Variants in VEGFD observed in about 807,000 individuals in gnomAD.
VEGFD encodes the protein vascular endothelial growth factor D.
In VEGFD, 26 loss-of-function variants were observed where a neutral mutation model predicts 28.0. The observed-to-expected ratio is 0.93, with a 90% CI of 0.68 to 1.29. The LOEUF (loss-of-function observed/expected upper bound fraction) is 1.29. Ranked by LOEUF, VEGFD falls within the 50% of genes most tolerant of loss-of-function variation. The probability of loss-of-function intolerance (pLI) is 0.00; values close to 1 mark genes in which losing one functional copy is unlikely to be tolerated. For missense variants in VEGFD, 294 were observed against 273.4 expected, an observed-to-expected ratio of 1.08 and a Z score of -0.53; for synonymous variants, 93 against 95.5, an observed-to-expected ratio of 0.97 and a Z score of 0.15.
At chrX:15,361,787 ACAAG>A (rs924369629) in intron 2 of VEGFD, among the ~76,000 whole-genome samples, 6 of 112,040 alleles carry the variant, frequency 5.4e-5, no homozygotes, top group African/African-American at 1.9e-4. Flanking sequence ...ACTTTACTTG[ACAAG>A]CATTTTATTC....
chrX:15,346,399 A>C, intron 6 of VEGFD, 140 bp from the exon 7 acceptor site: 1 of 619,091 alleles, frequency 1.6e-6, no homozygotes, highest in East Asian at 3.6e-5. Context: ...TCCCACATGG[A>C]TTCAAAATCT....
chrX:15,366,734 TCTTC>T (rs1923156789), intron 1 of VEGFD, among the ~76,000 whole-genome samples: 1 of 111,763 alleles, frequency 8.9e-6, no homozygotes, highest in Admixed American at 9.5e-5. Flanking sequence ...GAGCAGTAAC[TCTTC>T]CTTCCTCTTT....
intron 1 of VEGFD, among the ~76,000 whole-genome samples, chrX:15,370,466 T>G (rs964162529): frequency 1.8e-5 from 2 of 112,129 alleles, no homozygotes; most frequent in Non-Finnish European, 3.8e-5. Flanking sequence ...ATGAAGTCCC[T>G]AACTTAGACT....
intron 1 of VEGFD, among the ~76,000 whole-genome samples, chrX:15,373,509 A>G (rs1923361037): frequency 8.9e-6 from 1 of 112,328 alleles, no homozygotes. Flanking sequence ...ATATGCCTTC[A>G]GGAAGCTTGG....
rs750958217 is a variant in VEGFD at position 15,384,310 on chromosome X, G to A, written c.-364C>T. The A allele has an allele frequency of 2.9e-5, 4 of 139,010 alleles. No homozygotes were observed. The highest frequency in any genetic ancestry group is 8.2e-5 in the Admixed American group (1 of 12,177). 11.5% of individuals were successfully genotyped at this position (139,010 alleles called of 1,213,427 possible). ...CAGGTTCTAGTTGCTTTGTAAGGAG[G>A]TGGTGTGGCCACCAATGCTTACAGC... On this transcript the variant is annotated 5_prime_UTR_variant, in exon 1 of 7. Coordinates refer to ENST00000297904, the MANE Select transcript of VEGFD (RefSeq NM_004469.5).
intron 2 of VEGFD, among the ~76,000 whole-genome samples, chrX:15,361,781 T>C (rs1912335637): frequency 8.9e-6 from 1 of 112,319 alleles, no homozygotes; most frequent in African/African-American, 3.2e-5. Flanking sequence ...CACAGAACTT[T>C]ACTTGACAAG....
chrX:15,347,335 G>C lies in VEGFD; in HGVS notation c.767C>G (p.Ala256Gly), dbSNP rs1167957527. 1 of 1,209,763 alleles carries C rather than the reference G, an allele frequency of 8.3e-7. No individual in the cohort carries two copies. The highest frequency in any genetic ancestry group is 1.1e-6 in the Non-Finnish European group (1 of 894,517). ...AAACATCATGTGTGGCCCACAGAGA[G>C]CTGGTTCCTGGAGATGAGAGTGGTC... The part of the protein sequence containing the change: ...TEDHSHLQEP[A>G]LCGPHMMFDE... The change falls in exon 6 of 7, where the codon GCT (alanine) becomes GGT (glycine). Residue 256 changes from alanine (A) to glycine (G), a missense_variant. Physicochemically the swap from Ala to Gly is moderately conservative, Grantham distance 60. Transcript: ENST00000297904.
intron 5 of VEGFD, among the ~76,000 whole-genome samples, chrX:15,351,027 A>ATTTTTTTTTTTTTTTT (rs35997805): frequency 6.8e-5 from 1 of 14,745 alleles, no homozygotes; most frequent in African/African-American, 1.9e-4. Flanking sequence ...ATGCCCAGCT[A>ATTTTTTTTTTTTTTTT]TTTTTTTTTT....
chrX:15,380,980 C>T (rs1000713775), intron 1 of VEGFD, among the ~76,000 whole-genome samples: 3 of 112,404 alleles, frequency 2.7e-5, no homozygotes, highest in Middle Eastern at 4.6e-3. Flanking sequence ...TATTAATGAA[C>T]GATGCATAGG....
chrX:15,378,001 A>G (rs1923479278), intron 1 of VEGFD, among the ~76,000 whole-genome samples: 1 of 112,201 alleles, frequency 8.9e-6, no homozygotes, highest in Non-Finnish European at 1.9e-5. Flanking sequence ...GTATTTTGCC[A>G]TAATTTACCA....
chrX:15,383,430 C>T (rs1923635456), intron 1 of VEGFD, among the ~76,000 whole-genome samples: 1 of 112,555 alleles, frequency 8.9e-6, no homozygotes, highest in African/African-American at 3.2e-5. Flanking sequence ...ATAGAAAGCA[C>T]TGCAATTTTC....
Position 15,363,128 on chromosome X carries a change from A to G in VEGFD, c.282T>C (p.Tyr94=), listed in dbSNP as rs1229092203. 1 of 1,211,366 alleles carries G rather than the reference A, an allele frequency of 8.3e-7. No homozygotes were observed. Among genetic ancestry groups the G allele is most frequent in the Non-Finnish European group, 1.1e-6 (1 of 895,215 alleles). ...ACCTACCTTTTAGTGTTTCAATGTCATAGAAAGTTGCCGCAAACCTAGTGG... is the reference window on the plus strand; with the variant it reads ...ACCTACCTTTTAGTGTTTCAATGTCGTAGAAAGTTGCCGCAAACCTAGTGG... The part of the protein sequence containing the change: ...HRSTRFAATF[Y]DIETLKVIDE... Residue 94 remains tyrosine, a synonymous_variant, in exon 2 of 7, where the codon TAT becomes TAC. Transcript: ENST00000297904.
chrX:15,378,806 T>A (rs903159009), intron 1 of VEGFD, among the ~76,000 whole-genome samples: 2 of 111,885 alleles, frequency 1.8e-5, no homozygotes, highest in Non-Finnish European at 3.8e-5. Flanking sequence ...ATTTTTTTTT[T>A]AATTTCATGA....
Position 15,355,205 on chromosome X carries a change from G to A in VEGFD, c.586C>T (p.Pro196Ser). The change falls in exon 4 of 7, where the codon CCC becomes TCC. Residue 196 changes from proline (P) to serine (S), a missense_variant. Physicochemically the swap from Pro to Ser is moderately conservative, Grantham distance 74 (BLOSUM62 -1). Coordinates refer to ENST00000297904, the MANE Select transcript of VEGFD (RefSeq NM_004469.5). ...HTGCKCLPTA[P>S]RHPYSIIRRS... is the part of the protein sequence containing the mutation. ...CTGATAATTGAGTATGGATGGCGGG[G>A]GGCTGTTGGCAAGCACTTACAACCT... The A allele has an allele frequency of 8.3e-7, 1 of 1,206,261 alleles. No homozygotes were observed. The highest frequency in any genetic ancestry group is 1.8e-5 in the South Asian group (1 of 55,523).
chrX:15,382,268 T>A (rs1923598692), intron 1 of VEGFD, among the ~76,000 whole-genome samples: 1 of 109,855 alleles, frequency 9.1e-6, no homozygotes, highest in Non-Finnish European at 1.9e-5. Flanking sequence ...TGCAGCGAGC[T>A]GAGATTGCAT....
intron 1 of VEGFD, among the ~76,000 whole-genome samples, chrX:15,376,070 A>G (rs1293950823): frequency 9.0e-6 from 1 of 111,321 alleles, no homozygotes; most frequent in Non-Finnish European, 1.9e-5. Flanking sequence ...ACAGTCTATC[A>G]CTGATCTCCA....
intron 1 of VEGFD, among the ~76,000 whole-genome samples, chrX:15,373,974 T>C (rs889086933): frequency 3.5e-4 from 39 of 111,263 alleles, no homozygotes; most frequent in African/African-American, 1.2e-3. Flanking sequence ...GTTAGATTGG[T>C]GAGTCTGAGC....
At chrX:15,353,271 A>T in intron 4 of VEGFD, 103 bp from the exon 5 acceptor site, 1 of 370,904 alleles carries the variant, frequency 2.7e-6, no homozygotes, top group Admixed American at 5.2e-5. Context: ...AAGATTTTTT[A>T]AATTTATTTT....
At position 15,346,192 on chromosome X, in the gene VEGFD, A is replaced by T. The variant is rs1569182391; in HGVS notation, c.1006T>A (p.Cys336Ser). ...ASGKTACAKHCRFPKEKRAAQ... is the reference protein window; with the variant it reads ...ASGKTACAKHSRFPKEKRAAQ... Reference sequence around the variant, plus strand: ...GCCCTTTTCTCCTTTGGAAAGCGGCAATGCTTTGCACATGCTGTTTTGCCA... The same window carrying T: ...GCCCTTTTCTCCTTTGGAAAGCGGCTATGCTTTGCACATGCTGTTTTGCCA... The change falls in exon 7 of 7, where the codon TGC becomes AGC. Residue 336 changes from cysteine to serine, a missense_variant. Cys to Ser is a moderately radical substitution (Grantham distance 112). Transcript: ENST00000297904. 1.7e-6 allele frequency: 2 copies of T among 1,210,867 alleles called. No individual in the cohort carries two copies. Among genetic ancestry groups the T allele is most frequent in the Non-Finnish European group, 2.2e-6 (2 of 894,563 alleles).
Sources: gnomAD v4.1 joint callset for allele counts (sites outside exome capture counted in the v4.1 genomes callset) on GRCh38, gnomAD v4.1.1 for gene constraint, MANE v1.5 for transcripts, NCBI Gene and HGNC (gene_info 2026-07-23, HGNC 2026-07-21) for gene names.